Variants in SPINDOC observed in about 807,000 individuals in gnomAD.
The protein encoded by SPINDOC is spindlin interactor and repressor of chromatin-binding protein.
Under a neutral mutation model 30.7 loss-of-function variants are expected in SPINDOC, and 13 were observed. The ratio of observed to expected loss-of-function variants is 0.42; its 90% confidence interval spans 0.28 to 0.67. The LOEUF (loss-of-function observed/expected upper bound fraction) is 0.67, where lower values mean the gene tolerates loss of function less well. SPINDOC is among the 30% of genes least tolerant of loss of function. The pLI, the probability that SPINDOC is intolerant of heterozygous loss-of-function variation, is 0.22. For missense variants in SPINDOC, 438 were observed against 518.0 expected, an observed-to-expected ratio of 0.85 and a Z score of 1.50; for synonymous variants, 228 against 211.4, an observed-to-expected ratio of 1.08 and a Z score of -0.68.
chr11:63,815,055 A>G lies in SPINDOC; in HGVS notation c.127+1242A>G, dbSNP rs563076645. 4.6e-5 allele frequency among the ~76,000 whole-genome samples: 7 copies of G among 152,356 alleles called. No homozygotes were observed. The East Asian group carries it at 1.3e-3, about 29-fold the overall frequency. ...TGCTCTTGAAGAACATATATATACC[A>G]ATGGCTAAAGACAGAGAAATAGGTT... is the stretch of plus-strand genomic sequence containing the variant. On this transcript the variant is annotated intron_variant, in intron 1 of 5. Coordinates refer to ENST00000294244, the MANE Select transcript of SPINDOC (RefSeq NM_138471.3).
At chr11:63,820,091 C>A (rs547143704) in intron 5 of SPINDOC, among the ~76,000 whole-genome samples, 241 of 151,990 alleles carry the variant, frequency 1.6e-3, no homozygotes, top group Non-Finnish European at 2.7e-3. Flanking sequence ...TGGGCTCCTA[C>A]TGAGTTTAAG....
intron 1 of SPINDOC, among the ~76,000 whole-genome samples, chr11:63,814,033 C>T (rs2015270607): frequency 6.6e-6 from 1 of 152,212 alleles, no homozygotes; most frequent in African/African-American, 2.4e-5. Context: ...TTCCCCTTTC[C>T]CCCGCCCAGG....
intron 5 of SPINDOC, among the ~76,000 whole-genome samples, chr11:63,825,196 A>G (rs897567958): frequency 6.6e-6 from 1 of 152,054 alleles, no homozygotes; most frequent in Non-Finnish European, 1.5e-5. Context: ...CTCCAGATAA[A>G]AGCCAGAGCC....
chr11:63,815,739 C>G (rs1432986290), intron 1 of SPINDOC, among the ~76,000 whole-genome samples: 1 of 151,372 alleles, frequency 6.6e-6, no homozygotes, highest in Non-Finnish European at 1.5e-5. Context: ...GATACAGATG[C>G]AAAACATCAG....
chr11:63,825,252 CCACATCCCGCTCCCCGCACAGG>C (rs1279079406), intron 5 of SPINDOC, among the ~76,000 whole-genome samples: 1 of 152,190 alleles, frequency 6.6e-6, no homozygotes, highest in Non-Finnish European at 1.5e-5. Context: ...ACCTCTCCCC[CCACATCCCGCTCCCCGCACAGG>C]CACTGGCCTT....
intron 5 of SPINDOC, chr11:63,822,701 C>G: frequency 7.8e-7 from 1 of 1,288,614 alleles, no homozygotes; most frequent in Non-Finnish European, 1.0e-6. Context: ...GAGCGTGTCC[C>G]GAGTCTCCTG....
At position 63,818,689 on chromosome 11, in the gene SPINDOC, C is replaced by T. The variant is rs2015420034; in HGVS notation, c.733+37C>T. 5 of 1,612,486 alleles carry T rather than the reference C, an allele frequency of 3.1e-6. No individual in the cohort carries two copies. Among genetic ancestry groups the T allele is most frequent in the East Asian group, 2.2e-5 (1 of 44,862 alleles). On this transcript the variant is annotated intron_variant, in intron 4 of 5. Transcript: ENST00000294244. The surrounding 1 kb of genome is among the most constrained non-coding windows in gnomAD (Gnocchi z 5.3). ...GCCCGGGGGAGGCGTGGGCTCTGGC[C>T]GCAGTGCTCTGAGGAAATCCGCATC...
intron 5 of SPINDOC, chr11:63,823,073 G>T (rs1175779866): frequency 1.7e-6 from 2 of 1,203,172 alleles, no homozygotes; most frequent in South Asian, 2.5e-5. Flanking sequence ...TGTGCCCGAG[G>T]GAGGCACCCT....
Position 63,818,981 on chromosome 11 carries a change from C to T in SPINDOC, c.913C>T (p.Arg305Trp), listed in dbSNP as rs202015322. Reference sequence around the variant, plus strand: ...GGAAGTGGCAGAAGGAGGCCTTCCCCGGGCGGAGAGCCCCTCTCCAGGTGA... The same window carrying T: ...GGAAGTGGCAGAAGGAGGCCTTCCCTGGGCGGAGAGCCCCTCTCCAGGTGA... ...DREVAEGGLP[R>W]AESPSPAPPP... Residue 305 changes from arginine (R) to tryptophan (W), a missense_variant, in exon 5 of 6, where the codon CGG becomes TGG. Arg to Trp is a moderately radical substitution (Grantham distance 101, BLOSUM62 -3). Around this residue, in one of 3 missense-constraint regions of SPINDOC, gnomAD observed 300 missense variants for 332.8 expected, o/e 0.90. Transcript: ENST00000294244. The surrounding 1 kb of genome is among the most constrained non-coding windows in gnomAD (Gnocchi z 5.3). 75 of 1,613,690 alleles carry T rather than the reference C, an allele frequency of 4.6e-5. No homozygotes were observed. The highest frequency in any genetic ancestry group is 2.7e-4 in the Admixed American group (16 of 60,002).
chr11:63,827,227 T>G lies in SPINDOC; in HGVS notation c.*88T>G. Reference sequence around the variant, plus strand: ...AGAGCTGCCTGGCTCACCCACCTGGTGGAGAGAGTAGAAACAGGTGCCAGG... The same window carrying G: ...AGAGCTGCCTGGCTCACCCACCTGGGGGAGAGAGTAGAAACAGGTGCCAGG... On this transcript the variant is annotated 3_prime_UTR_variant, in exon 6 of 6. Coordinates refer to ENST00000294244, the MANE Select transcript of SPINDOC (RefSeq NM_138471.3). The G allele has an allele frequency of 6.5e-7, 1 of 1,542,768 alleles. No individual in the cohort carries two copies. The highest frequency in any genetic ancestry group is 8.7e-7 in the Non-Finnish European group (1 of 1,144,868).
intron 5 of SPINDOC, among the ~76,000 whole-genome samples, chr11:63,826,012 C>T (rs1251617461): frequency 6.6e-6 from 1 of 151,748 alleles, no homozygotes; most frequent in Non-Finnish European, 1.5e-5. Flanking sequence ...GATCTTGGCT[C>T]ACTGCAACCT....
chr11:63,820,838 C>T (rs996298009), intron 5 of SPINDOC, among the ~76,000 whole-genome samples: 2 of 142,404 alleles, frequency 1.4e-5, no homozygotes, highest in Non-Finnish European at 3.0e-5. Flanking sequence ...TGCAGTGAGT[C>T]GAGATCGCGC....
Position 63,827,296 on chromosome 11 carries a change from T to TG in SPINDOC, c.*159dup. ...AGCATCCACTGTTATTTCGGGGCACTGGAAAGTGTCTGTTCCTGGCCAGGC... is the reference window on the plus strand; with the variant it reads ...AGCATCCACTGTTATTTCGGGGCACTGGGAAAGTGTCTGTTCCTGGCCAGGC... On this transcript the variant is annotated 3_prime_UTR_variant, in exon 6 of 6. Transcript: ENST00000294244. The TG allele has an allele frequency of 7.4e-7, 1 of 1,356,004 alleles. No individual in the cohort carries two copies. Among genetic ancestry groups the TG allele is most frequent in the African/African-American group, 1.4e-5 (1 of 69,278 alleles). The allele number at this position is 1,356,004 out of a possible 1,614,324, so 84.0% of individuals were successfully genotyped here. A position where few individuals can be genotyped will look rare whatever the true frequency, so the allele number is the denominator to read the frequency against.
At position 63,818,951 on chromosome 11, in the gene SPINDOC, G is replaced by C; in HGVS notation, c.883G>C (p.Asp295His). Reference sequence around the variant, plus strand: ...CCCAGACAGCAAGGACTCACCCAAAGACAGGGAAGTGGCAGAAGGAGGCCT... The same window carrying C: ...CCCAGACAGCAAGGACTCACCCAAACACAGGGAAGTGGCAGAAGGAGGCCT... ...RGPDSKDSPKDREVAEGGLPR... is the reference protein window; with the variant it reads ...RGPDSKDSPKHREVAEGGLPR... Residue 295 changes from aspartate to histidine, a missense_variant, in exon 5 of 6, where the codon GAC becomes CAC. By Grantham distance (81) the Asp-to-His change is moderately conservative. Coordinates refer to ENST00000294244, the MANE Select transcript of SPINDOC (RefSeq NM_138471.3). The surrounding 1 kb of genome is among the most constrained non-coding windows in gnomAD (Gnocchi z 5.3). 6.2e-7 allele frequency: 1 copy of C among 1,614,172 alleles called. No individual in the cohort carries two copies. The highest frequency in any genetic ancestry group is 8.5e-7 in the Non-Finnish European group (1 of 1,180,048).
intron 1 of SPINDOC, among the ~76,000 whole-genome samples, chr11:63,815,059 G>A (rs1030280663): frequency 5.9e-5 from 9 of 152,212 alleles, no homozygotes; most frequent in African/African-American, 2.2e-4. Flanking sequence ...TATACCAATG[G>A]CTAAAGACAG....
chr11:63,816,028 A>T (rs758243893), intron 1 of SPINDOC, among the ~76,000 whole-genome samples: 1 of 152,104 alleles, frequency 6.6e-6, no homozygotes, highest in African/African-American at 2.4e-5. Flanking sequence ...CGGCCTCCCA[A>T]AGTGCTAGGA....
At chr11:63,821,705 C>T (rs530157798) in intron 5 of SPINDOC, among the ~76,000 whole-genome samples, 1 of 152,300 alleles carries the variant, frequency 6.6e-6, no homozygotes, top group East Asian at 1.9e-4. Flanking sequence ...TGATGGCCAA[C>T]GAGGTGGCTG....
chr11:63,813,638 A>C lies in SPINDOC; in HGVS notation c.-49A>C. ...GGAGGCGGTTGCCGGCTGCGCGCCGAAGCCTGCGCGCCAGTCCTCCGGCCA... is the reference window on the plus strand; with the variant it reads ...GGAGGCGGTTGCCGGCTGCGCGCCGCAGCCTGCGCGCCAGTCCTCCGGCCA... On this transcript the variant is annotated 5_prime_UTR_variant, in exon 1 of 6. Transcript: ENST00000294244. 6.8e-7 allele frequency: 1 copy of C among 1,464,798 alleles called. No homozygotes were observed. Among genetic ancestry groups the C allele is most frequent in the Non-Finnish European group, 9.0e-7 (1 of 1,106,116 alleles). 90.7% of individuals were successfully genotyped at this position (1,464,798 alleles called of 1,614,324 possible). A position where few individuals can be genotyped will look rare whatever the true frequency, so the allele number is the denominator to read the frequency against.
chr11:63,820,364 C>G (rs2015477815), intron 5 of SPINDOC, among the ~76,000 whole-genome samples: 1 of 147,200 alleles, frequency 6.8e-6, no homozygotes, highest in Admixed American at 6.8e-5. Flanking sequence ...CGCCACTGCA[C>G]TCCAGCCTGG....
Sources: allele counts gnomAD v4.1 joint callset (sites outside exome capture counted in the v4.1 genomes callset), GRCh38; gene constraint gnomAD v4.1.1; regional missense constraint gnomAD v4.1.1; non-coding constraint Gnocchi (gnomAD v3.1); transcripts MANE v1.5; gene names NCBI Gene and HGNC (gene_info 2026-07-23, HGNC 2026-07-21).